ACTR2: variants seen among roughly 807,000 people sequenced by gnomAD.
ACTR2 encodes the protein actin related protein 2, also known as actin-related protein 2.
In ACTR2, 5 loss-of-function variants were observed where a neutral mutation model predicts 50.2. The observed-to-expected ratio is 0.10, with a 90% CI of 0.05 to 0.21. ACTR2 has a LOEUF of 0.21. Among genes scored for constraint, ACTR2 ranks in the 10% least tolerant of loss-of-function variants. The pLI is 1.00. For missense variants in ACTR2, 180 were observed against 480.6 expected (o/e 0.37, Z 5.85); for synonymous variants, 140 against 162.9 (o/e 0.86, Z 1.07).
At chr2:65,263,199 A>C (rs1354234487) in intron 7 of ACTR2, among the ~76,000 whole-genome samples, 3 of 150,192 alleles carry the variant, frequency 2.0e-5, no homozygotes, top group African/African-American at 7.3e-5. Flanking sequence ...CCCAGCCTTA[A>C]GGGACATTTT....
At chr2:65,255,060 A>G (rs939482321) in intron 5 of ACTR2, among the ~76,000 whole-genome samples, 2 of 152,346 alleles carry the variant, frequency 1.3e-5, no homozygotes, top group Non-Finnish European at 2.9e-5. Context: ...GAGTATCCCA[A>G]TAATTCCCTT....
rs1011622627 is a variant in ACTR2 at position 65,270,450 on chromosome 2, A to G, written c.*1716A>G. 1.3e-5 allele frequency: 2 copies of G among 152,678 alleles called. No homozygotes were observed. Among genetic ancestry groups the G allele is most frequent in the African/African-American group, 4.8e-5 (2 of 41,466 alleles). The allele number at this position is 152,678 out of a possible 1,614,324, so 9.5% of individuals were successfully genotyped here. A position where few individuals can be genotyped will look rare whatever the true frequency, so the allele number is the denominator to read the frequency against. ...TGCCTCAGAACCCTGAATAGCCCGTACTAGATCTTGGGAACATGGATCTTA... is the reference window on the plus strand; with the variant it reads ...TGCCTCAGAACCCTGAATAGCCCGTGCTAGATCTTGGGAACATGGATCTTA... On this transcript the variant is annotated 3_prime_UTR_variant, in exon 9 of 9. Transcript: ENST00000260641.
At chr2:65,263,297 T>C (rs1325898243) in intron 7 of ACTR2, among the ~76,000 whole-genome samples, 2 of 140,054 alleles carry the variant, frequency 1.4e-5, no homozygotes, top group Non-Finnish European at 3.1e-5. Flanking sequence ...AAAAGTTTTC[T>C]TTTAGCTTTC....
At chr2:65,247,942 T>C (rs771913197) in intron 3 of ACTR2, among the ~76,000 whole-genome samples, 3 of 152,136 alleles carry the variant, frequency 2.0e-5, no homozygotes, top group African/African-American at 4.8e-5. Flanking sequence ...AGCCAGGGTA[T>C]ATAGGAGAAT....
chr2:65,242,489 A>G lies in ACTR2; in HGVS notation c.159+2527A>G, dbSNP rs528166161. ...TTGAACATTGACTGTCATAGCCTGT[A>G]TATATATTTGCATCTAGTGTGGTAT... On this transcript the variant is annotated intron_variant, in intron 2 of 8. Transcript: ENST00000260641. 6.4e-4 allele frequency: 225 copies of G among 349,192 alleles called. 2 individuals are homozygous for G. Among genetic ancestry groups the G allele is most frequent in the Middle Eastern group, 2.6e-3 (3 of 1,136 alleles). 21.6% of individuals were successfully genotyped at this position (349,192 alleles called of 1,614,324 possible).
Position 65,270,946 on chromosome 2 carries a change from C to T in ACTR2, c.*2212C>T, listed in dbSNP as rs1672483035. On this transcript the variant is annotated 3_prime_UTR_variant, in exon 9 of 9. Coordinates refer to ENST00000260641, the MANE Select transcript of ACTR2 (RefSeq NM_005722.4). ...TTAAAAAGCAATCTGATTCTTAGCT[C>T]TTGAAACTATTGCTACTTAAATTTC... The T allele has an allele frequency of 6.6e-6, 1 of 151,628 alleles. No homozygotes were observed. The highest frequency in any genetic ancestry group is 2.4e-5 in the African/African-American group (1 of 41,304). The allele number at this position is 151,628 out of a possible 1,614,324, so 9.4% of individuals were successfully genotyped here.
chr2:65,259,710 CAG>C (rs1217310125), intron 6 of ACTR2, among the ~76,000 whole-genome samples: 1 of 152,116 alleles, frequency 6.6e-6, no homozygotes, highest in Non-Finnish European at 1.5e-5. Context: ...GCCTGGGCAA[CAG>C]AGCGAGACTC....
At chr2:65,265,252 C>T (rs1216383585) in intron 8 of ACTR2, 77 bp downstream of exon 8, 2 of 1,532,282 alleles carry the variant, frequency 1.3e-6, no homozygotes, top group Non-Finnish European at 1.8e-6. Context: ...TGACAACCAC[C>T]AGAGGGAGCA....
Position 65,249,313 on chromosome 2 carries a change from A to C in ACTR2, c.376-1714A>C, listed in dbSNP as rs376559557. Among the ~76,000 whole-genome samples the C allele has an allele frequency of 2.0e-5, 3 of 152,278 alleles. No individual in the cohort carries two copies. In the East Asian group the frequency reaches 5.8e-4, roughly 29 times the overall value. On this transcript the variant is annotated intron_variant, in intron 3 of 8. Coordinates refer to ENST00000260641, the MANE Select transcript of ACTR2 (RefSeq NM_005722.4). ...GTATTAAAACTCAGTTTTTGTATTA[A>C]GTGTTTTGAAAATCTAAGATCATGG...
At chr2:65,229,406 A>T (rs1051889035) in intron 1 of ACTR2, among the ~76,000 whole-genome samples, 4 of 152,168 alleles carry the variant, frequency 2.6e-5, no homozygotes, top group African/African-American at 9.7e-5. Flanking sequence ...ACAAGCAATA[A>T]TTATGGTAGC....
intron 3 of ACTR2, among the ~76,000 whole-genome samples, chr2:65,247,820 G>T (rs1671967380): frequency 6.6e-6 from 1 of 152,140 alleles, no homozygotes; most frequent in South Asian, 2.1e-4. Flanking sequence ...GTTATTCATG[G>T]ATCAGCTGTA....
At chr2:65,230,948 G>A (rs1486912736) in intron 1 of ACTR2, among the ~76,000 whole-genome samples, 2 of 151,828 alleles carry the variant, frequency 1.3e-5, no homozygotes, top group African/African-American at 4.8e-5. Flanking sequence ...CAGCTACTTG[G>A]GAGGCTGAGG....
chr2:65,233,594 T>G (rs1043835746), intron 1 of ACTR2, among the ~76,000 whole-genome samples: 3 of 149,690 alleles, frequency 2.0e-5, no homozygotes, highest in Non-Finnish European at 1.5e-5. Context: ...GCCAGTATAA[T>G]TTTTTTTTTA....
chr2:65,228,911 C>G (rs554245127), intron 1 of ACTR2, among the ~76,000 whole-genome samples: 1 of 152,198 alleles, frequency 6.6e-6, no homozygotes, highest in South Asian at 2.1e-4. Flanking sequence ...AAACCCCGGT[C>G]TCTACTAAAA....
intron 1 of ACTR2, 54 bp downstream of exon 1, chr2:65,228,011 A>G (rs1389429346): frequency 6.8e-7 from 1 of 1,463,816 alleles, no homozygotes; most frequent in East Asian, 3.0e-5. Flanking sequence ...GGGGACGAGC[A>G]GCTGGCGCAC....
chr2:65,264,105 G>A (rs1293381967), intron 7 of ACTR2, among the ~76,000 whole-genome samples: 3 of 152,098 alleles, frequency 2.0e-5, no homozygotes, highest in Non-Finnish European at 2.9e-5. Flanking sequence ...GAGCTTCGAC[G>A]TACCTAAAGT....
At chr2:65,267,937 C>T (rs918094202) in intron 8 of ACTR2, among the ~76,000 whole-genome samples, 8 of 131,734 alleles carry the variant, frequency 6.1e-5, no homozygotes, top group Admixed American at 5.1e-4. Context: ...CCCAGGTTTA[C>T]GTCATTCTCC....
intron 6 of ACTR2, 140 bp downstream of exon 6, chr2:65,255,834 C>T (rs1021372494): frequency 6.7e-6 from 4 of 593,580 alleles, no homozygotes; most frequent in African/African-American, 1.9e-5. Context: ...CTTTTAATGT[C>T]TCTTTCTACA....
rs70943640 is a variant in ACTR2 at position 65,267,862 on chromosome 2, C to CTTTTTTTTTTTTTTTTTTTTTTTT, written c.1015-697_1015-674dup. ...ACCTTGAAGAAGTCATGCAAGTCCT[C>CTTTTTTTTTTTTTTTTTTTTTTTT]TTTTTTTTTTTTTTTTTTTTTTTTT... On this transcript the variant is annotated intron_variant, in intron 8 of 8. Coordinates refer to ENST00000260641, the MANE Select transcript of ACTR2 (RefSeq NM_005722.4). 4.0e-4 allele frequency among the ~76,000 whole-genome samples: 19 copies of CTTTTTTTTTTTTTTTTTTTTTTTT among 47,414 alleles called. 3 individuals carry two copies. Among genetic ancestry groups the CTTTTTTTTTTTTTTTTTTTTTTTT allele is most frequent in the Non-Finnish European group, 5.3e-4 (14 of 26,198 alleles). 31.1% of individuals were successfully genotyped at this position (47,414 alleles called of 152,430 possible).
Sources: gnomAD v4.1 joint callset for allele counts (sites outside exome capture counted in the v4.1 genomes callset) on GRCh38, gnomAD v4.1.1 for gene constraint, MANE v1.5 for transcripts, NCBI Gene and HGNC (gene_info 2026-07-23, HGNC 2026-07-21) for gene names.